The following NME7 variants were observed in gnomAD, a reference collection of about 807,000 sequenced individuals.
The protein encoded by NME7 is nucleoside diphosphate kinase 7.
NME7 carries 41 observed loss-of-function variants against 49.1 expected under a neutral mutation model. That is an observed-to-expected ratio of 0.83 (90% CI 0.65 to 1.08). The LOEUF (loss-of-function observed/expected upper bound fraction) is 1.08. Ranked by LOEUF, NME7 falls within the 50% of genes least tolerant of loss-of-function variation. The probability of loss-of-function intolerance (pLI) is 0.00; values close to 1 mark genes in which losing one functional copy is unlikely to be tolerated. For synonymous variants in NME7, 139 were observed against 150.6 expected (o/e 0.92, Z 0.56); for missense variants, 423 against 463.4 (o/e 0.91, Z 0.80).
intron 3 of NME7, among the ~76,000 whole-genome samples, chr1:169,322,042 G>C (rs527393097): frequency 6.6e-6 from 1 of 152,198 alleles, no homozygotes; most frequent in South Asian, 2.1e-4. Flanking sequence ...ATTAATTCTA[G>C]TCTCAGAAAG....
At chr1:169,221,237 C>T (rs1423264767) in intron 10 of NME7, among the ~76,000 whole-genome samples, 2 of 152,162 alleles carry the variant, frequency 1.3e-5, no homozygotes, top group Admixed American at 1.3e-4. Context: ...ATTATAACTT[C>T]CACTCTTGTC....
intron 9 of NME7, among the ~76,000 whole-genome samples, chr1:169,232,212 G>A (rs542337781): frequency 1.3e-5 from 2 of 151,890 alleles, no homozygotes; most frequent in South Asian, 2.1e-4. Context: ...AACAGGATAC[G>A]ACACTGCAGA....
At chr1:169,176,572 T>C (rs1053640743) in intron 10 of NME7, among the ~76,000 whole-genome samples, 15 of 152,170 alleles carry the variant, frequency 9.9e-5, no homozygotes, top group African/African-American at 3.4e-4. Context: ...AATTCAATCC[T>C]GTCTTTTTCA....
chr1:169,240,539 A>C (rs1648046623), intron 7 of NME7, among the ~76,000 whole-genome samples: 1 of 152,030 alleles, frequency 6.6e-6, no homozygotes, highest in South Asian at 2.1e-4. Context: ...GTATAATCTA[A>C]AACCTTTATC....
At position 169,141,803 on chromosome 1, in the gene NME7, G is replaced by A. The variant is rs565837835; in HGVS notation, c.1099-8986C>T. Among the ~76,000 whole-genome samples the A allele has an allele frequency of 3.3e-5, 5 of 152,194 alleles. No individual in the cohort carries two copies. The South Asian group carries it at 1.0e-3, about 32-fold the overall frequency. On this transcript the variant is annotated intron_variant, in intron 11 of 11. Coordinates refer to ENST00000367811, the MANE Select transcript of NME7 (RefSeq NM_013330.5). ...GAAAAGTGAAAAAGCTCTTAGATTG[G>A]ATAAAAGCTGAGAGAATACATAATC...
At chr1:169,308,474 T>A (rs769052307) in intron 4 of NME7, among the ~76,000 whole-genome samples, 11 of 152,172 alleles carry the variant, frequency 7.2e-5, no homozygotes, top group African/African-American at 1.9e-4. Context: ...TACATTCCTG[T>A]CCCTAGAGAC....
At chr1:169,345,148 T>C (rs1557832890) in intron 1 of NME7, among the ~76,000 whole-genome samples, 1 of 152,170 alleles carries the variant, frequency 6.6e-6, no homozygotes, top group Non-Finnish European at 1.5e-5. Flanking sequence ...TTATAATCCT[T>C]TTAATTTCTG....
intron 10 of NME7, among the ~76,000 whole-genome samples, chr1:169,207,358 G>A (rs1246250352): frequency 2.0e-5 from 3 of 152,114 alleles, no homozygotes; most frequent in Non-Finnish European, 4.4e-5. Context: ...CCAATGCTGA[G>A]AATCACATTT....
rs1327346596 is a variant in NME7 at position 169,265,707 on chromosome 1, A to T, written c.754+21596T>A. ...GAATCCAGGAGTTGTTTTTTTTTTTAAAGTAAGATAAATTGACAGCTAGAC... is the reference window on the plus strand; with the variant it reads ...GAATCCAGGAGTTGTTTTTTTTTTTTAAGTAAGATAAATTGACAGCTAGAC... On this transcript the variant is annotated intron_variant, in intron 7 of 11. Transcript: ENST00000367811. 4.6e-5 allele frequency among the ~76,000 whole-genome samples: 6 copies of T among 129,086 alleles called. 2 individuals are homozygous for T. Among genetic ancestry groups the T allele is most frequent in the Non-Finnish European group, 7.2e-5 (4 of 55,184 alleles). 84.7% of individuals were successfully genotyped at this position (129,086 alleles called of 152,430 possible). A position where few individuals can be genotyped will look rare whatever the true frequency, so the allele number is the denominator to read the frequency against.
Position 169,152,758 on chromosome 1 carries a change from A to C in NME7, c.1098+16689T>G, listed in dbSNP as rs144054202. Among the ~76,000 whole-genome samples the C allele has an allele frequency of 3.9e-5, 6 of 152,306 alleles. No individual in the cohort carries two copies. The East Asian group carries it at 1.2e-3, about 29-fold the overall frequency. On this transcript the variant is annotated intron_variant, in intron 11 of 11. Transcript: ENST00000367811. ...TTAAGACTTGTTACTGGATGATCAGAGTATACGCGTCCATTACTCCTATTA... is the reference window on the plus strand; with the variant it reads ...TTAAGACTTGTTACTGGATGATCAGCGTATACGCGTCCATTACTCCTATTA...
At position 169,164,014 on chromosome 1, in the gene NME7, G is replaced by A. The variant is rs545219387; in HGVS notation, c.1098+5433C>T. Among the ~76,000 whole-genome samples the A allele has an allele frequency of 3.3e-5, 5 of 151,886 alleles. No individual in the cohort carries two copies. The East Asian group carries it at 7.8e-4, about 24-fold the overall frequency. Reference sequence around the variant, plus strand: ...AGTCCCAGCTACTCGGGAGGCTGAGGCAGGAGAATAGCTTGAACCCGGGAA... The same window carrying A: ...AGTCCCAGCTACTCGGGAGGCTGAGACAGGAGAATAGCTTGAACCCGGGAA... On this transcript the variant is annotated intron_variant, in intron 11 of 11. Coordinates refer to ENST00000367811, the MANE Select transcript of NME7 (RefSeq NM_013330.5).
chr1:169,359,388 AAAAG>A (rs1445418442), intron 1 of NME7, among the ~76,000 whole-genome samples: 14 of 152,024 alleles, frequency 9.2e-5, no homozygotes, highest in Admixed American at 2.6e-4. Flanking sequence ...GGAAAAATGC[AAAAG>A]ATATATTAAG....
intron 10 of NME7, among the ~76,000 whole-genome samples, chr1:169,224,150 C>G (rs945385977): frequency 6.6e-6 from 1 of 152,182 alleles, no homozygotes; most frequent in African/African-American, 2.4e-5. Context: ...CTTGGTCATG[C>G]CAATCAGGCT....
At chr1:169,329,671 T>C (rs901131157) in intron 1 of NME7, among the ~76,000 whole-genome samples, 3 of 151,782 alleles carry the variant, frequency 2.0e-5, no homozygotes, top group Non-Finnish European at 4.4e-5. Context: ...ATAAAAAACA[T>C]GAAGCACACC....
chr1:169,337,372 G>C (rs569644719), intron 1 of NME7, among the ~76,000 whole-genome samples: 28 of 152,334 alleles, frequency 1.8e-4, no homozygotes, highest in Middle Eastern at 3.4e-3. Context: ...ACTGCTCCCA[G>C]TGCAGGGCCC....
At chr1:169,140,906 C>T (rs984079538) in intron 11 of NME7, among the ~76,000 whole-genome samples, 1 of 152,070 alleles carries the variant, frequency 6.6e-6, no homozygotes, top group Non-Finnish European at 1.5e-5. Flanking sequence ...TTGGGTAGGT[C>T]CTAGACGTCC....
chr1:169,353,325 A>T (rs182524006), intron 1 of NME7, among the ~76,000 whole-genome samples: 140 of 152,240 alleles, frequency 9.2e-4, no homozygotes, highest in Non-Finnish European at 6.2e-4. Flanking sequence ...GGTACTGGAA[A>T]AACTGGGTAT....
chr1:169,190,063 A>G (rs1660173736), intron 10 of NME7, among the ~76,000 whole-genome samples: 1 of 152,182 alleles, frequency 6.6e-6, no homozygotes, highest in African/African-American at 2.4e-5. Context: ...AAAGGGCAAG[A>G]TGAAACAAAT....
intron 4 of NME7, 33 bp from the exon 5 acceptor site, chr1:169,303,228 A>G: frequency 2.6e-6 from 3 of 1,173,636 alleles, no homozygotes; most frequent in Non-Finnish European, 3.6e-6. Flanking sequence ...ATAGTTAAGA[A>G]TTATAAAATT....
Sources: allele counts gnomAD v4.1 joint callset (sites outside exome capture counted in the v4.1 genomes callset), GRCh38; gene constraint gnomAD v4.1.1; transcripts MANE v1.5; gene names NCBI Gene and HGNC (gene_info 2026-07-23, HGNC 2026-07-21).